KSR2: variants seen among roughly 807,000 people sequenced by gnomAD.
KSR2 encodes kinase suppressor of ras 2.
KSR2 carries 25 observed loss-of-function variants against 107.8 expected under a neutral mutation model. The observed-to-expected ratio is 0.23, with a 90% CI of 0.17 to 0.32. The LOEUF is 0.32. Among genes scored for constraint, KSR2 ranks in the 10% least tolerant of loss-of-function variants. The pLI, the probability that KSR2 is intolerant of heterozygous loss-of-function variation, is 1.00. For synonymous variants in KSR2, 480 were observed against 507.0 expected (o/e 0.95, Z 0.71); for missense variants, 887 against 1,268.9 (o/e 0.70, Z 4.57).
chr12:117,563,209 G>A lies in KSR2; in HGVS notation c.1326-4636C>T, dbSNP rs555809679. Among the ~76,000 whole-genome samples, 10 of 152,258 alleles carry A rather than the reference G, an allele frequency of 6.6e-5. No individual in the cohort carries two copies. In the South Asian group the frequency reaches 1.7e-3, roughly 25 times the overall value. ...TAGATTCCCAGGCCTCACTCTCCAA[G>A]GTCCTGATTGGGTAAGTGTCTTTTG... On this transcript the variant is annotated intron_variant, in intron 7 of 19. Transcript: ENST00000339824.
intron 4 of KSR2, among the ~76,000 whole-genome samples, chr12:117,675,593 T>C (rs1286324836): frequency 6.6e-6 from 1 of 152,188 alleles, no homozygotes. Flanking sequence ...ACAGAGATCG[T>C]CAAGGGAAGC....
At chr12:117,914,010 G>C (rs369431652) in intron 1 of KSR2, among the ~76,000 whole-genome samples, 3 of 152,076 alleles carry the variant, frequency 2.0e-5, no homozygotes, top group African/African-American at 7.2e-5. Flanking sequence ...GGTTCCCAGG[G>C]GTCCCACCCC....
intron 4 of KSR2, among the ~76,000 whole-genome samples, chr12:117,734,748 GCAT>G (rs1199875570): frequency 1.2e-4 from 18 of 151,610 alleles, no homozygotes; most frequent in South Asian, 6.3e-4. Flanking sequence ...ATGCATGCAT[GCAT>G]GCATGGATGG....
chr12:117,455,070 G>GAGAGAGAGAGAGAGAGAC lies in KSR2; in HGVS notation c.*12128_*12129insGTCTCTCTCTCTCTCTCT, dbSNP rs1469580555. 6.7e-5 allele frequency: 10 copies of GAGAGAGAGAGAGAGAGAC among 149,324 alleles called. No homozygotes were observed. The highest frequency in any genetic ancestry group is 2.5e-4 in the African/African-American group (10 of 40,380). 9.2% of individuals were successfully genotyped at this position (149,324 alleles called of 1,614,324 possible). Reference sequence around the variant, plus strand: ...AGAGAGAGAGAGAGAGAGAGAGAGAGAGGTCTGTAGAGCCAGAGAGGGATG... The same window carrying GAGAGAGAGAGAGAGAGAC: ...AGAGAGAGAGAGAGAGAGAGAGAGAGAGAGAGAGAGAGAGAGACAGGTCTGTAGAGCCAGAGAGGGATG... On this transcript the variant is annotated 3_prime_UTR_variant, in exon 20 of 20. Transcript: ENST00000339824.
At chr12:117,567,135 A>G (rs1028573659) in intron 7 of KSR2, among the ~76,000 whole-genome samples, 21 of 152,226 alleles carry the variant, frequency 1.4e-4, no homozygotes, top group Admixed American at 1.4e-3. Context: ...AGGTAAATAG[A>G]CAAATAAAAC....
Position 117,656,963 on chromosome 12 carries a change from GATATATATATATAATAGGATATATATAT to G in KSR2, c.1171+10483_1171+10510del, listed in dbSNP as rs1468461967. The stretch of plus-strand genomic sequence containing the variant: ...TAGGATATATATATATATATAATAG[GATATATATATATAATAGGATATATATAT>G]ATATATATATATATATATATATATC... On this transcript the variant is annotated intron_variant, in intron 5 of 19. Coordinates refer to ENST00000339824, the MANE Select transcript of KSR2 (RefSeq NM_173598.6). Among the ~76,000 whole-genome samples the G allele has an allele frequency of 3.4e-4, 30 of 88,824 alleles. 1 individual carries two copies. Among genetic ancestry groups the G allele is most frequent in the African/African-American group, 8.2e-4 (17 of 20,850 alleles). The allele number at this position is 88,824 out of a possible 152,430, so 58.3% of individuals were successfully genotyped here. A position where few individuals can be genotyped will look rare whatever the true frequency, so the allele number is the denominator to read the frequency against.
chr12:117,644,101 C>G (rs1417449148), intron 5 of KSR2, among the ~76,000 whole-genome samples: 2 of 152,186 alleles, frequency 1.3e-5, no homozygotes, highest in Admixed American at 1.3e-4. Flanking sequence ...ACTGTCTCCA[C>G]CTCTGCAAAT....
intron 2 of KSR2, among the ~76,000 whole-genome samples, chr12:117,859,399 C>A (rs1893208197): frequency 6.6e-6 from 1 of 150,546 alleles, no homozygotes; most frequent in Non-Finnish European, 1.5e-5. Context: ...GCCAAAAGTG[C>A]TGGGATTACA....
intron 7 of KSR2, among the ~76,000 whole-genome samples, chr12:117,563,261 G>A (rs565481009): frequency 2.0e-5 from 3 of 152,274 alleles, no homozygotes; most frequent in African/African-American, 7.2e-5. Context: ...GCAAGCACAC[G>A]TGAAACTCGA....
At chr12:117,735,710 T>A (rs1887912064) in intron 4 of KSR2, among the ~76,000 whole-genome samples, 1 of 152,124 alleles carries the variant, frequency 6.6e-6, no homozygotes, top group Non-Finnish European at 1.5e-5. Flanking sequence ...TTGGAGAAAG[T>A]GCATCTATAA....
At chr12:117,472,317 T>C (rs761205636) in intron 17 of KSR2, among the ~76,000 whole-genome samples, 7 of 152,182 alleles carry the variant, frequency 4.6e-5, no homozygotes, top group Non-Finnish European at 8.8e-5. Context: ...GTGAGTAGCA[T>C]GTGCCATGAA....
intron 9 of KSR2, among the ~76,000 whole-genome samples, chr12:117,548,190 G>A (rs1180193165): frequency 6.6e-6 from 1 of 151,984 alleles, no homozygotes; most frequent in Non-Finnish European, 1.5e-5. Flanking sequence ...GTGGTCTTAT[G>A]TTTATTTTAT....
At chr12:117,665,381 G>A (rs1383099185) in intron 5 of KSR2, among the ~76,000 whole-genome samples, 1 of 152,186 alleles carries the variant, frequency 6.6e-6, no homozygotes. Context: ...AAAGCAGGAA[G>A]GAGATGTTTT....
At position 117,456,480 on chromosome 12, in the gene KSR2, C is replaced by A. The variant is rs1251297655; in HGVS notation, c.*10719G>T. 2 of 152,184 alleles carry A rather than the reference C, an allele frequency of 1.3e-5. No homozygotes were observed. The highest frequency in any genetic ancestry group is 4.8e-5 in the African/African-American group (2 of 41,422). 9.4% of individuals were successfully genotyped at this position (152,184 alleles called of 1,614,324 possible). On this transcript the variant is annotated 3_prime_UTR_variant, in exon 20 of 20. Coordinates refer to ENST00000339824, the MANE Select transcript of KSR2 (RefSeq NM_173598.6). ...ATAAGCAGAGGAAAATGGCTAGAATCTTACAGGACCAATACATTACATTTG... is the reference window on the plus strand; with the variant it reads ...ATAAGCAGAGGAAAATGGCTAGAATATTACAGGACCAATACATTACATTTG...
At chr12:117,527,185 T>C in intron 12 of KSR2, 66 bp from the exon 13 acceptor site, 1 of 1,215,094 alleles carries the variant, frequency 8.2e-7, no homozygotes, top group South Asian at 1.2e-5. Flanking sequence ...TGAGTTTAGC[T>C]ATGTACGAAG....
chr12:117,658,342 T>A (rs1884274834), intron 5 of KSR2, among the ~76,000 whole-genome samples: 1 of 152,194 alleles, frequency 6.6e-6, no homozygotes. Flanking sequence ...TGGAAACTAT[T>A]GCATAGTTTG....
At chr12:117,818,654 T>C (rs938187789) in intron 3 of KSR2, among the ~76,000 whole-genome samples, 4 of 152,176 alleles carry the variant, frequency 2.6e-5, no homozygotes, top group African/African-American at 7.2e-5. Flanking sequence ...ATTGTGGTTA[T>C]TGTCGTTTCT....
At chr12:117,630,591 G>A (rs1410402620) in intron 5 of KSR2, among the ~76,000 whole-genome samples, 2 of 152,178 alleles carry the variant, frequency 1.3e-5, no homozygotes, top group Non-Finnish European at 2.9e-5. Flanking sequence ...TGTCTGCAGA[G>A]TGGGGAATGA....
rs376642761 is a variant in KSR2 at position 117,730,719 on chromosome 12, A to G, written c.986+30292T>C. 8.5e-5 allele frequency among the ~76,000 whole-genome samples: 13 copies of G among 152,326 alleles called. No homozygotes were observed. The South Asian group carries it at 1.7e-3, about 19-fold the overall frequency. On this transcript the variant is annotated intron_variant, in intron 4 of 19. Transcript: ENST00000339824. Reference sequence around the variant, plus strand: ...GAGACGGGGTTTCGCTGTGTTGGCCAGGCTGGTCTCCAGCTCCTGACCGCG... The same window carrying G: ...GAGACGGGGTTTCGCTGTGTTGGCCGGGCTGGTCTCCAGCTCCTGACCGCG...
Sources: allele counts gnomAD v4.1 joint callset (sites outside exome capture counted in the v4.1 genomes callset), GRCh38; gene constraint gnomAD v4.1.1; transcripts MANE v1.5; gene names NCBI Gene and HGNC (gene_info 2026-07-23, HGNC 2026-07-21).